Variants in ARB2A observed in about 807,000 individuals in gnomAD.
ARB2A encodes the protein ARB2 cotranscriptional regulator A.
At chr5:93,870,215 G>C in the ARB2A span, among the ~76,000 whole-genome samples, 1 of 152,188 alleles carries the variant, frequency 6.6e-6, no homozygotes, top group South Asian at 2.1e-4. Flanking sequence ...TTTCACCAAA[G>C]GGAGGAGGGA....
chr5:93,741,558 G>A, the ARB2A span: 2 of 1,548,892 alleles, frequency 1.3e-6, no homozygotes, highest in Admixed American at 2.0e-5. Flanking sequence ...GCCTGTGTCC[G>A]GCCATGGGTG....
At chr5:93,637,364 T>G in the ARB2A span, among the ~76,000 whole-genome samples, 1 of 149,748 alleles carries the variant, frequency 6.7e-6, no homozygotes, top group Non-Finnish European at 1.5e-5. Context: ...GTTTTTTTTT[T>G]TTTTTTTTTT....
chr5:94,026,842 A>G, the ARB2A span, among the ~76,000 whole-genome samples: 1 of 152,196 alleles, frequency 6.6e-6, no homozygotes, highest in Non-Finnish European at 1.5e-5. Flanking sequence ...GTTGTTATCA[A>G]TAGCCCAGCC....
chr5:93,813,784 T>G, the ARB2A span, among the ~76,000 whole-genome samples: 1 of 152,168 alleles, frequency 6.6e-6, no homozygotes, highest in East Asian at 1.9e-4. Context: ...TACTCTATAA[T>G]ATTTTTGTTA....
chr5:94,015,729 TA>T, the ARB2A span, among the ~76,000 whole-genome samples: 1 of 152,296 alleles, frequency 6.6e-6, no homozygotes, highest in East Asian at 1.9e-4. Flanking sequence ...CTTTGTGATC[TA>T]AATAATTTGC....
the ARB2A span, among the ~76,000 whole-genome samples, chr5:93,631,148 G>T: frequency 6.6e-6 from 1 of 152,036 alleles, no homozygotes. Flanking sequence ...ACCTCCCAAA[G>T]TGTTGGGATT....
chr5:93,676,337 T>C, the ARB2A span, among the ~76,000 whole-genome samples: 1 of 152,340 alleles, frequency 6.6e-6, no homozygotes, highest in East Asian at 1.9e-4. Context: ...TTTCTTGTTA[T>C]TTAATTAGTA....
the ARB2A span, among the ~76,000 whole-genome samples, chr5:93,769,554 GGTAA>G: frequency 6.6e-6 from 1 of 152,080 alleles, no homozygotes; most frequent in Non-Finnish European, 1.5e-5. Flanking sequence ...CTGAAGAAGT[GGTAA>G]GTTTTTATAA....
At chr5:93,861,085 C>G in the ARB2A span, 1 of 152,156 alleles carries the variant, frequency 6.6e-6, no homozygotes, top group Non-Finnish European at 1.5e-5. Context: ...GCAAAAATCA[C>G]TATATCTGTT....
chr5:94,004,998 C>CCAAA, the ARB2A span, among the ~76,000 whole-genome samples: 8 of 12,550 alleles, frequency 6.4e-4, no homozygotes, highest in African/African-American at 1.8e-3. Context: ...ATTTTATCAG[C>CCAAA]AAAAAAAAAA....
the ARB2A span, among the ~76,000 whole-genome samples, chr5:93,732,368 A>G: frequency 1.3e-5 from 2 of 152,238 alleles, no homozygotes; most frequent in African/African-American, 4.8e-5. Context: ...CAGGATTTTG[A>G]TATTTTCAAA....
chr5:94,104,604 T>C, the ARB2A span, among the ~76,000 whole-genome samples: 1 of 151,818 alleles, frequency 6.6e-6, no homozygotes, highest in Admixed American at 6.6e-5. Flanking sequence ...CCAACCCTAC[T>C]AAACTATTCC....
the ARB2A span, among the ~76,000 whole-genome samples, chr5:93,651,283 G>T: frequency 6.6e-6 from 1 of 151,896 alleles, no homozygotes; most frequent in Non-Finnish European, 1.5e-5. Context: ...CTACAGGTGT[G>T]TACCACTATG....
chr5:93,946,437 T>A, the ARB2A span, among the ~76,000 whole-genome samples: 787 of 152,166 alleles, frequency 5.2e-3, 2 homozygotes, highest in Middle Eastern at 0.014. Context: ...ACATAAAAAA[T>A]TAGAAACTAG....
the ARB2A span, among the ~76,000 whole-genome samples, chr5:93,767,120 C>T: frequency 6.6e-6 from 1 of 152,066 alleles, no homozygotes; most frequent in African/African-American, 2.4e-5. Flanking sequence ...AGCACACCAA[C>T]ATGGCACATG....
At chr5:93,751,850 A>G in the ARB2A span, among the ~76,000 whole-genome samples, 1 of 152,256 alleles carries the variant, frequency 6.6e-6, no homozygotes, top group South Asian at 2.1e-4. Context: ...GAGGGTTTAC[A>G]TGGGGGCACA....
the ARB2A span, among the ~76,000 whole-genome samples, chr5:93,915,466 T>C: frequency 4.0e-5 from 6 of 151,622 alleles, no homozygotes; most frequent in African/African-American, 1.5e-4. Flanking sequence ...AGACTTTTAT[T>C]TCATCATATA....
the ARB2A span, among the ~76,000 whole-genome samples, chr5:93,968,804 G>A: frequency 6.6e-6 from 1 of 152,032 alleles, no homozygotes; most frequent in South Asian, 2.1e-4. Flanking sequence ...AAGCTGGTGG[G>A]GGAAGGGTGG....
At chr5:93,684,067 A>G in the ARB2A span, among the ~76,000 whole-genome samples, 14 of 152,308 alleles carry the variant, frequency 9.2e-5, no homozygotes, top group Admixed American at 7.2e-4. Context: ...GGTGTAAGCC[A>G]TGATAGCAAT....
Sources: allele counts gnomAD v4.1 joint callset (sites outside exome capture counted in the v4.1 genomes callset), GRCh38; gene constraint gnomAD v4.1.1; transcripts MANE v1.5; gene names NCBI Gene and HGNC (gene_info 2026-07-23, HGNC 2026-07-21).